Variants in ANKRD31 observed in about 807,000 individuals in gnomAD.
The protein encoded by ANKRD31 is ankyrin repeat domain-containing protein 31.
Under a neutral mutation model 186.0 loss-of-function variants are expected in ANKRD31, and 147 were observed. That is an observed-to-expected ratio of 0.79 (90% CI 0.69 to 0.91). The LOEUF (loss-of-function observed/expected upper bound fraction) is 0.91, where lower values mean the gene tolerates loss of function less well. Ranked by LOEUF, ANKRD31 falls within the 40% of genes least tolerant of loss-of-function variation. The probability of loss-of-function intolerance (pLI) is 0.00; values close to 1 mark genes in which losing one functional copy is unlikely to be tolerated. For missense variants in ANKRD31, 1,986 were observed against 2,148.8 expected (o/e 0.92, Z 1.50); for synonymous variants, 673 against 736.4 (o/e 0.91, Z 1.39).
chr5:75,080,088 A>G (rs1580280611), intron 25 of ANKRD31, among the ~76,000 whole-genome samples: 1 of 151,868 alleles, frequency 6.6e-6, no homozygotes, highest in East Asian at 1.9e-4. Context: ...ACAGAGCGAG[A>G]TTCTGTCTAA....
intron 15 of ANKRD31, among the ~76,000 whole-genome samples, chr5:75,141,370 G>A (rs1751036329): frequency 6.6e-6 from 1 of 151,964 alleles, no homozygotes; most frequent in Non-Finnish European, 1.5e-5. Flanking sequence ...ATATACATAT[G>A]AGAGACAGAG....
chr5:75,126,204 G>A (rs1436097341), intron 17 of ANKRD31, among the ~76,000 whole-genome samples: 1 of 152,160 alleles, frequency 6.6e-6, no homozygotes, highest in Non-Finnish European at 1.5e-5. Flanking sequence ...CACTTTGGGA[G>A]GCCAAGGTGG....
intron 10 of ANKRD31, among the ~76,000 whole-genome samples, chr5:75,174,302 T>G (rs541894306): frequency 6.6e-6 from 1 of 152,222 alleles, no homozygotes; most frequent in South Asian, 2.1e-4. Flanking sequence ...GCAATACCAT[T>G]CAGGACATAG....
At chr5:75,144,473 G>A (rs1225804641) in intron 14 of ANKRD31, among the ~76,000 whole-genome samples, 1 of 151,770 alleles carries the variant, frequency 6.6e-6, no homozygotes. Flanking sequence ...TAGAAATACT[G>A]TTTATTCAAT....
intron 5 of ANKRD31, among the ~76,000 whole-genome samples, chr5:75,204,215 G>A (rs1245569930): frequency 6.6e-6 from 1 of 150,828 alleles, no homozygotes; most frequent in Non-Finnish European, 1.5e-5. Flanking sequence ...TAAAATAACA[G>A]TATCATTGTT....
At chr5:75,131,109 G>T (rs533146567) in intron 17 of ANKRD31, among the ~76,000 whole-genome samples, 1 of 152,108 alleles carries the variant, frequency 6.6e-6, no homozygotes, top group African/African-American at 2.4e-5. Flanking sequence ...CCCAGAACCA[G>T]CACCGGCCCG....
rs968687071 is a variant in ANKRD31, at chr5:75,188,822, C to T, written c.1409-174G>A. Among the ~76,000 whole-genome samples the T allele has an allele frequency of 3.3e-5, 5 of 152,042 alleles. 1 individual carries two copies. Among genetic ancestry groups the T allele is most frequent in the African/African-American group, 1.2e-4 (5 of 41,418 alleles). The stretch of plus-strand genomic sequence containing the variant: ...TGAGAATATTCATCCATTAACCCAA[C>T]TATAATATTATCTACATACAAAAAG... On this transcript the variant is annotated intron_variant, in intron 9 of 25. Transcript: ENST00000506364.
chr5:75,166,345 C>A (rs1236592598), intron 11 of ANKRD31, among the ~76,000 whole-genome samples: 2 of 152,046 alleles, frequency 1.3e-5, no homozygotes, highest in African/African-American at 4.8e-5. Flanking sequence ...GTGATACATG[C>A]CTGCAATCCC....
chr5:75,137,535 T>C (rs13359143), intron 17 of ANKRD31, among the ~76,000 whole-genome samples: 76,842 of 151,974 alleles, frequency 0.51, 22,402 homozygotes, highest in African/African-American at 0.82. Flanking sequence ...ATCACTATAA[T>C]TAGACTCTTC....
intron 17 of ANKRD31, among the ~76,000 whole-genome samples, chr5:75,131,572 C>G (rs1749839271): frequency 6.6e-6 from 1 of 152,200 alleles, no homozygotes; most frequent in African/African-American, 2.4e-5. Flanking sequence ...CTGTAGACTC[C>G]ACCTCTGGGG....
intron 22 of ANKRD31, among the ~76,000 whole-genome samples, chr5:75,101,692 G>A (rs1746894996): frequency 6.6e-6 from 1 of 152,128 alleles, no homozygotes; most frequent in Middle Eastern, 3.4e-3. Flanking sequence ...TTCAATCACT[G>A]ATATCTTTTT....
chr5:75,129,125 C>G (rs1334105255), intron 17 of ANKRD31, among the ~76,000 whole-genome samples: 2 of 152,078 alleles, frequency 1.3e-5, no homozygotes, highest in Non-Finnish European at 2.9e-5. Flanking sequence ...ACAGAGTCCT[C>G]ACAAGATCTG....
intron 3 of ANKRD31, among the ~76,000 whole-genome samples, chr5:75,213,983 G>T (rs1244110506): frequency 6.6e-6 from 1 of 152,180 alleles, no homozygotes; most frequent in Non-Finnish European, 1.5e-5. Flanking sequence ...GTAGTTACTG[G>T]TATTCAATAA....
chr5:75,189,652 C>G (rs1410284000), intron 9 of ANKRD31, among the ~76,000 whole-genome samples: 1 of 152,104 alleles, frequency 6.6e-6, no homozygotes, highest in African/African-American at 2.4e-5. Flanking sequence ...TCTGCCTGTG[C>G]CAGTTGTACT....
At position 75,163,405 on chromosome 5, in the gene ANKRD31, G is replaced by A. The variant is rs536288791; in HGVS notation, c.1707+5574C>T. On this transcript the variant is annotated intron_variant, in intron 11 of 25. Transcript: ENST00000506364. The stretch of plus-strand genomic sequence containing the variant: ...GTGTTGGTGTGTCTGATCTGAACGT[G>A]TGCTATTTTATTACCCTTTGTGGAT... Among the ~76,000 whole-genome samples, 7 of 152,302 alleles carry A rather than the reference G, an allele frequency of 4.6e-5. No homozygotes were observed. The East Asian group carries it at 1.3e-3, about 29-fold the overall frequency.
chr5:75,149,749 A>G (rs548056818), intron 12 of ANKRD31, among the ~76,000 whole-genome samples: 1 of 152,094 alleles, frequency 6.6e-6, no homozygotes, highest in Non-Finnish European at 1.5e-5. Context: ...TAAAGTGTTT[A>G]CATGAATCCT....
Position 75,187,022 on chromosome 5 carries a change from A to AGTGTGTGT in ANKRD31, c.1564+1463_1564+1470dup, listed in dbSNP as rs10624220. On this transcript the variant is annotated intron_variant, in intron 10 of 25. Coordinates refer to ENST00000506364, the MANE Select transcript of ANKRD31 (RefSeq NM_001372053.1). Reference sequence around the variant, plus strand: ...GAGTGTGTGTGTGTATGAGACACAGAGTGTGTGTGTGTGTGTGTGTGTGTG... The same window carrying AGTGTGTGT: ...GAGTGTGTGTGTGTATGAGACACAGAGTGTGTGTGTGTGTGTGTGTGTGTGTGTGTGTG... 4.7e-3 allele frequency among the ~76,000 whole-genome samples: 669 copies of AGTGTGTGT among 142,704 alleles called. 7 individuals are homozygous for AGTGTGTGT. Among genetic ancestry groups the AGTGTGTGT allele is most frequent in the African/African-American group, 0.016 (605 of 38,344 alleles). 93.6% of individuals were successfully genotyped at this position (142,704 alleles called of 152,430 possible). A position where few individuals can be genotyped will look rare whatever the true frequency, so the allele number is the denominator to read the frequency against.
Position 75,146,154 on chromosome 5 carries a change from T to A in ANKRD31, c.3257A>T (p.His1086Leu), listed in dbSNP as rs1430664621. ...TTTAGTTGTTTCTATTACTTGAGAATGAGCAACTATGGATAAAGGCTCATT... is the reference window on the plus strand; with the variant it reads ...TTTAGTTGTTTCTATTACTTGAGAAAGAGCAACTATGGATAAAGGCTCATT... Reference protein sequence around the residue: ...YSNEPLSIVAHSQVIETTKVE... With the variant: ...YSNEPLSIVALSQVIETTKVE... Residue 1086 changes from histidine to leucine, a missense_variant, in exon 14 of 26, where the codon CAT (histidine) becomes CTT (leucine). His to Leu is a moderately conservative substitution (Grantham distance 99, BLOSUM62 -3). Transcript: ENST00000506364. 6.5e-7 allele frequency: 1 copy of A among 1,535,946 alleles called. No homozygotes were observed. Among genetic ancestry groups the A allele is most frequent in the Non-Finnish European group, 8.7e-7 (1 of 1,146,284 alleles).
chr5:75,182,583 G>T (rs143913882), intron 10 of ANKRD31, among the ~76,000 whole-genome samples: 2,355 of 152,054 alleles, frequency 0.015, 71 homozygotes, highest in African/African-American at 0.054. Context: ...GCCAGGCGTG[G>T]TGGCAAGCGC....
Sources: allele counts gnomAD v4.1 joint callset (sites outside exome capture counted in the v4.1 genomes callset), GRCh38; gene constraint gnomAD v4.1.1; transcripts MANE v1.5; gene names NCBI Gene and HGNC (gene_info 2026-07-23, HGNC 2026-07-21).